TC2N: variants seen among roughly 807,000 people sequenced by gnomAD.
The protein encoded by TC2N is tandem C2 domains, nuclear.
Under a neutral mutation model 61.9 loss-of-function variants are expected in TC2N, and 51 were observed. The observed-to-expected ratio is 0.82, with a 90% CI of 0.66 to 1.04. The LOEUF is 1.04. Ranked by LOEUF, TC2N falls within the 50% of genes least tolerant of loss-of-function variation. The pLI, the probability that TC2N is intolerant of heterozygous loss-of-function variation, is 0.00. For missense variants in TC2N, 556 were observed against 566.7 expected (o/e 0.98, Z 0.19); for synonymous variants, 204 against 192.6 (o/e 1.06, Z -0.49).
Position 91,791,590 on chromosome 14 carries a change from G to GA in TC2N, c.1047+776dup, listed in dbSNP as rs879510736. 4.4e-3 allele frequency among the ~76,000 whole-genome samples: 661 copies of GA among 149,012 alleles called. 6 individuals carry two copies. The highest frequency in any genetic ancestry group is 0.011 in the African/African-American group (442 of 40,890). Reference sequence around the variant, plus strand: ...CCATTAGGTAATAAAGCTTTTTACAGAAAAAAAAAATCAGCTGTAAAAACT... The same window carrying GA: ...CCATTAGGTAATAAAGCTTTTTACAGAAAAAAAAAAATCAGCTGTAAAAACT... On this transcript the variant is annotated intron_variant, in intron 9 of 11. Coordinates refer to ENST00000435962, the MANE Select transcript of TC2N (RefSeq NM_001128596.3).
At chr14:91,839,019 G>A (rs1888117547) in intron 1 of TC2N, among the ~76,000 whole-genome samples, 1 of 152,172 alleles carries the variant, frequency 6.6e-6, no homozygotes, top group Non-Finnish European at 1.5e-5. Flanking sequence ...GATCTAAGGA[G>A]AAAAATAGAC....
Position 91,792,394 on chromosome 14 carries a change from C to T in TC2N, c.1020G>A (p.Leu340=). ...TLSTQEMDYS[L]DITPPSKISV... ...AAATTTTTGAAGGTGGTGTTATATC[C>T]AAAGAGTAATCCATTTCCTGTGTGC... The change falls in exon 9 of 12, where the codon TTG becomes TTA. Residue 340 remains leucine (L), a synonymous_variant. Coordinates refer to ENST00000435962, the MANE Select transcript of TC2N (RefSeq NM_001128596.3). The T allele has an allele frequency of 6.2e-7, 1 of 1,600,902 alleles. No homozygotes were observed. The highest frequency in any genetic ancestry group is 1.1e-5 in the South Asian group (1 of 88,414).
intron 1 of TC2N, among the ~76,000 whole-genome samples, chr14:91,861,827 G>A (rs185995416): frequency 1.6e-3 from 240 of 152,308 alleles, no homozygotes; most frequent in African/African-American, 5.5e-3. Context: ...AGGATCGCTT[G>A]AGCCTGGAAG....
In TC2N at chr14:91,782,396, A is replaced by C. The variant is rs912649107; in HGVS notation, c.*704T>G. On this transcript the variant is annotated 3_prime_UTR_variant, in exon 12 of 12. Transcript: ENST00000435962. ...AACAAATAGTAAAATATTTGAGGGA[A>C]GAAAACAGCAAAGTATGTATATTCT... The C allele has an allele frequency of 2.6e-5, 4 of 152,042 alleles. No homozygotes were observed. The highest frequency in any genetic ancestry group is 4.4e-5 in the Non-Finnish European group (3 of 67,874). 9.4% of individuals were successfully genotyped at this position (152,042 alleles called of 1,614,324 possible). A position where few individuals can be genotyped will look rare whatever the true frequency, so the allele number is the denominator to read the frequency against.
At chr14:91,806,343 G>C (rs999361697) in intron 3 of TC2N, among the ~76,000 whole-genome samples, 9 of 152,202 alleles carry the variant, frequency 5.9e-5, no homozygotes, top group Non-Finnish European at 1.3e-4. Context: ...TGAGTAACAG[G>C]CAGAGGTTGG....
At chr14:91,789,764 C>T (rs1470766726) in intron 9 of TC2N, among the ~76,000 whole-genome samples, 1 of 152,102 alleles carries the variant, frequency 6.6e-6, no homozygotes, top group Non-Finnish European at 1.5e-5. Context: ...ATTTAAATCT[C>T]ATAATAACCA....
At chr14:91,821,132 A>C (rs1223632558) in intron 1 of TC2N, among the ~76,000 whole-genome samples, 1 of 152,058 alleles carries the variant, frequency 6.6e-6, no homozygotes, top group Admixed American at 6.5e-5. Context: ...GCTGATCCTA[A>C]AACTCATATG....
intron 1 of TC2N, among the ~76,000 whole-genome samples, chr14:91,824,519 G>T (rs1462446364): frequency 2.6e-5 from 4 of 152,150 alleles, no homozygotes; most frequent in African/African-American, 9.7e-5. Context: ...AAATACAAGT[G>T]CCATTCTTGA....
At chr14:91,852,111 T>C (rs4904817) in intron 1 of TC2N, among the ~76,000 whole-genome samples, 139,621 of 152,282 alleles carry the variant, frequency 0.92, 64,571 homozygotes, top group Non-Finnish European at 0.97. Flanking sequence ...AGACAGTCTC[T>C]CAGCAATAGG....
chr14:91,844,833 T>C (rs1451394434), intron 1 of TC2N, among the ~76,000 whole-genome samples: 1 of 150,936 alleles, frequency 6.6e-6, no homozygotes, highest in Non-Finnish European at 1.5e-5. Context: ...GATTACTTCC[T>C]TTCTCCCATC....
rs1381607617 is a variant in TC2N, at chr14:91,780,470, A to G, written c.*2630T>C. On this transcript the variant is annotated 3_prime_UTR_variant, in exon 12 of 12. Transcript: ENST00000435962. ...ATGAAACTGATATACTTCAGAGGCC[A>G]TTTCCCTAGGAGTACTGCTTTTAAA... 2 of 152,236 alleles carry G rather than the reference A, an allele frequency of 1.3e-5. No homozygotes were observed. The highest frequency in any genetic ancestry group is 2.9e-5 in the Non-Finnish European group (2 of 68,026). The allele number at this position is 152,236 out of a possible 1,614,324, so 9.4% of individuals were successfully genotyped here.
chr14:91,847,207 G>A (rs10132315), intron 1 of TC2N, among the ~76,000 whole-genome samples: 3,511 of 150,638 alleles, frequency 0.023, 140 homozygotes, highest in African/African-American at 0.083. Context: ...GCAGTGAGCC[G>A]AGATCACGCC....
Position 91,781,936 on chromosome 14 carries a change from A to G in TC2N, c.*1164T>C, listed in dbSNP as rs545827412. 6.6e-6 allele frequency: 1 copy of G among 152,214 alleles called. No homozygotes were observed. Among genetic ancestry groups the G allele is most frequent in the South Asian group, 2.1e-4 (1 of 4,824 alleles). The allele number at this position is 152,214 out of a possible 1,614,324, so 9.4% of individuals were successfully genotyped here. On this transcript the variant is annotated 3_prime_UTR_variant, in exon 12 of 12. Coordinates refer to ENST00000435962, the MANE Select transcript of TC2N (RefSeq NM_001128596.3). ...CTAAAATATCACCATCTTTCTCTGCATGCCTGGGACAAAGTAAGAATGGGG... is the reference window on the plus strand; with the variant it reads ...CTAAAATATCACCATCTTTCTCTGCGTGCCTGGGACAAAGTAAGAATGGGG...
At chr14:91,794,635 C>A (rs1885814609) in intron 8 of TC2N, among the ~76,000 whole-genome samples, 1 of 151,898 alleles carries the variant, frequency 6.6e-6, no homozygotes, top group African/African-American at 2.4e-5. Flanking sequence ...TATTTTAAGT[C>A]TACTATTGAG....
intron 1 of TC2N, among the ~76,000 whole-genome samples, chr14:91,834,814 T>C (rs1271595532): frequency 6.6e-6 from 1 of 152,160 alleles, no homozygotes; most frequent in African/African-American, 2.4e-5. Context: ...CTTGGCTGTC[T>C]CTACCCATCG....
Position 91,798,320 on chromosome 14 carries a change from C to A in TC2N, c.717G>T (p.Gln239His). ...VKLFYNSSVE[Q>H]IWITVLQCRD... ...TTACCTGTAAAACTGTGATCCAGATCTGTTCTACTGAAGAATTATAAAACA... is the reference window on the plus strand; with the variant it reads ...TTACCTGTAAAACTGTGATCCAGATATGTTCTACTGAAGAATTATAAAACA... The change falls in exon 7 of 12, where the codon CAG becomes CAT. Residue 239 changes from glutamine (Q) to histidine (H), a missense_variant. Physicochemically the swap from Gln to His is conservative, Grantham distance 24 (BLOSUM62 0). Transcript: ENST00000435962. 2 of 1,577,190 alleles carry A rather than the reference C, an allele frequency of 1.3e-6. No homozygotes were observed. The highest frequency in any genetic ancestry group is 1.7e-6 in the Non-Finnish European group (2 of 1,156,112).
At chr14:91,790,525 A>G (rs879759274) in intron 9 of TC2N, among the ~76,000 whole-genome samples, 19 of 152,344 alleles carry the variant, frequency 1.2e-4, no homozygotes, top group Non-Finnish European at 2.6e-4. Context: ...AGCACCTGGC[A>G]TTCAGAAAAT....
At chr14:91,831,209 C>T (rs530486469) in intron 1 of TC2N, among the ~76,000 whole-genome samples, 1 of 152,136 alleles carries the variant, frequency 6.6e-6, no homozygotes, top group East Asian at 1.9e-4. Context: ...TGTCCAATAC[C>T]TCACAACTTA....
intron 8 of TC2N, among the ~76,000 whole-genome samples, chr14:91,796,797 A>G (rs1885918528): frequency 6.6e-6 from 1 of 152,118 alleles, no homozygotes; most frequent in African/African-American, 2.4e-5. Flanking sequence ...GCTGCAAGAG[A>G]GAAAATTCTG....
Sources: allele counts gnomAD v4.1 joint callset (sites outside exome capture counted in the v4.1 genomes callset), GRCh38; gene constraint gnomAD v4.1.1; transcripts MANE v1.5; gene names NCBI Gene and HGNC (gene_info 2026-07-23, HGNC 2026-07-21).